Variants in LDLRAP1 observed in about 807,000 individuals in gnomAD.
LDLRAP1 encodes low density lipoprotein receptor adaptor protein 1.
In LDLRAP1, 30 loss-of-function variants were observed where a neutral mutation model predicts 37.8. That is an observed-to-expected ratio of 0.79 (90% CI 0.59 to 1.08). The LOEUF is 1.08. Ranked by LOEUF, LDLRAP1 falls within the 50% of genes least tolerant of loss-of-function variation. The pLI, the probability that LDLRAP1 is intolerant of heterozygous loss-of-function variation, is 0.00. For synonymous variants in LDLRAP1, 156 were observed against 169.8 expected, an observed-to-expected ratio of 0.92 and a Z score of 0.63; for missense variants, 375 against 401.6, an observed-to-expected ratio of 0.93 and a Z score of 0.57.
At chr1:25,582,516 T>C in the LDLRAP1 span, among the ~76,000 whole-genome samples, 45 of 146,322 alleles carry the variant, frequency 3.1e-4, no homozygotes, top group South Asian at 1.3e-3. Context: ...ACCTGGGAGG[T>C]GGAGGTTGCA....
the LDLRAP1 span, among the ~76,000 whole-genome samples, chr1:25,575,161 CTG>C: frequency 1.3e-5 from 2 of 152,158 alleles, no homozygotes; most frequent in African/African-American, 4.8e-5. Flanking sequence ...GGTGGGAAGA[CTG>C]TATGATGTTT....
In LDLRAP1 at chr1:25,544,016, G is replaced by A. The variant is rs142730423; in HGVS notation, c.88+230G>A. The stretch of plus-strand genomic sequence containing the variant: ...TGCGAGGAGGGGCAGCGCTGAGGAA[G>A]GAGCCCGAGCTCGGGGTCCTCAGGT... On this transcript the variant is annotated intron_variant, in intron 1 of 8. Coordinates refer to ENST00000374338, the MANE Select transcript of LDLRAP1 (RefSeq NM_015627.3). The surrounding 1 kb of genome is among the most constrained non-coding windows in gnomAD (Gnocchi z 4.8). Among the ~76,000 whole-genome samples, 2,223 of 152,260 alleles carry A rather than the reference G, an allele frequency of 0.015. 53 individuals are homozygous for A. The highest frequency in any genetic ancestry group is 0.047 in the African/African-American group (1,955 of 41,580).
chr1:25,582,600 T>A, the LDLRAP1 span, among the ~76,000 whole-genome samples: 3 of 148,614 alleles, frequency 2.0e-5, no homozygotes, highest in East Asian at 6.0e-4. Flanking sequence ...AAAAAAAAAA[T>A]TACCATTTTG....
At position 25,566,730 on chromosome 1, in the gene LDLRAP1, G is replaced by T. The variant is rs4523506; in HGVS notation, c.783-118G>T. ...GAGGTTACTCCACCTCCCCTGCACC[G>T]GGGGCTTCCTTCTTGGGCCATGTGC... On this transcript the variant is annotated intron_variant, in intron 8 of 8. Transcript: ENST00000374338. 0.49 allele frequency: 619,688 copies of T among 1,273,264 alleles called. 152,690 individuals are homozygous for T. The highest frequency in any genetic ancestry group is 0.67 in the African/African-American group (45,312 of 67,548). 78.9% of individuals were successfully genotyped at this position (1,273,264 alleles called of 1,614,324 possible).
the LDLRAP1 span, among the ~76,000 whole-genome samples, chr1:25,577,747 G>A: frequency 6.6e-6 from 1 of 152,224 alleles, no homozygotes; most frequent in Non-Finnish European, 1.5e-5. Flanking sequence ...CGGCATCACC[G>A]TGAGTTGGCT....
In LDLRAP1 at chr1:25,544,653, C is replaced by G. The variant is rs980670587; in HGVS notation, c.88+867C>G. Among the ~76,000 whole-genome samples, 1 of 152,174 alleles carries G rather than the reference C, an allele frequency of 6.6e-6. No homozygotes were observed. The highest frequency in any genetic ancestry group is 2.4e-5 in the African/African-American group (1 of 41,446). ...AGGGAACTTGTCACCTGGCACCTTC[C>G]CCTGAAGCCAGAAGACCCAGCCTAG... On this transcript the variant is annotated intron_variant, in intron 1 of 8. Coordinates refer to ENST00000374338, the MANE Select transcript of LDLRAP1 (RefSeq NM_015627.3). The surrounding 1 kb of genome is among the most constrained non-coding windows in gnomAD (Gnocchi z 4.8).
chr1:25,553,686 G>A (rs1022888228), intron 1 of LDLRAP1: 6 of 520,770 alleles, frequency 1.2e-5, no homozygotes, highest in Non-Finnish European at 3.5e-6. Flanking sequence ...CAGGAGAATC[G>A]CTTGAACCTG....
intron 8 of LDLRAP1, among the ~76,000 whole-genome samples, chr1:25,565,807 G>C (rs4400597): frequency 1.3e-5 from 2 of 151,892 alleles, no homozygotes; most frequent in African/African-American, 4.8e-5. Flanking sequence ...CCGAGCCCTG[G>C]GTCCCCGTCT....
chr1:25,566,057 C>G (rs1004231285), intron 8 of LDLRAP1, among the ~76,000 whole-genome samples: 1 of 152,216 alleles, frequency 6.6e-6, no homozygotes, highest in African/African-American at 2.4e-5. Context: ...GCCTCACTGG[C>G]TGACGACACC....
the LDLRAP1 span, among the ~76,000 whole-genome samples, chr1:25,578,467 T>G: frequency 6.6e-6 from 1 of 152,066 alleles, no homozygotes; most frequent in Non-Finnish European, 1.5e-5. Flanking sequence ...CCGTTAGACA[T>G]CATTACCTTA....
intron 1 of LDLRAP1, among the ~76,000 whole-genome samples, chr1:25,546,510 C>A: frequency 6.6e-6 from 1 of 152,296 alleles, no homozygotes; most frequent in Admixed American, 6.5e-5. Flanking sequence ...TTTTCCTATC[C>A]CCTGGGGAGA....
At chr1:25,546,974 A>G (rs2043948876) in intron 1 of LDLRAP1, among the ~76,000 whole-genome samples, 1 of 151,808 alleles carries the variant, frequency 6.6e-6, no homozygotes, top group Non-Finnish European at 1.5e-5. Flanking sequence ...AAGGGTGTAG[A>G]TCAGTGGTGT....
intron 8 of LDLRAP1, among the ~76,000 whole-genome samples, chr1:25,565,628 G>T (rs1324253471): frequency 1.3e-5 from 2 of 151,932 alleles, no homozygotes; most frequent in Non-Finnish European, 2.9e-5. Flanking sequence ...AATGAAGCTC[G>T]TGAAGCGTTC....
chr1:25,589,304 A>AAAAGAAAGAAAGAAAG, the LDLRAP1 span, among the ~76,000 whole-genome samples: 1,225 of 149,040 alleles, frequency 8.2e-3, 21 homozygotes, highest in African/African-American at 0.026. Flanking sequence ...ACTCCATCTC[A>AAAAGAAAGAAAGAAAG]AAAGAAAGAA....
At chr1:25,565,320 C>A in intron 8 of LDLRAP1, 113 bp downstream of exon 8, 1 of 1,189,186 alleles carries the variant, frequency 8.4e-7, no homozygotes, top group Non-Finnish European at 1.3e-6. Context: ...CTCAGACCCC[C>A]TCCAGAGCAA....
chr1:25,579,440 C>T, the LDLRAP1 span, among the ~76,000 whole-genome samples: 13 of 152,296 alleles, frequency 8.5e-5, no homozygotes, highest in African/African-American at 2.6e-4. Context: ...GAAGAGGAGG[C>T]GGCGAGCTCA....
intron 4 of LDLRAP1, among the ~76,000 whole-genome samples, chr1:25,560,670 T>TCA (rs1192885865): frequency 6.6e-6 from 1 of 152,248 alleles, no homozygotes; most frequent in Non-Finnish European, 1.5e-5. Flanking sequence ...GCAGGGCTGC[T>TCA]GGGGGGCATG....
the LDLRAP1 span, among the ~76,000 whole-genome samples, chr1:25,579,135 T>G: frequency 6.6e-6 from 1 of 152,194 alleles, no homozygotes; most frequent in Non-Finnish European, 1.5e-5. Context: ...ATGGCCAATG[T>G]CAGGCTACCA....
At position 25,544,430 on chromosome 1, in the gene LDLRAP1, T is replaced by C. The variant is rs1260060965; in HGVS notation, c.88+644T>C. Among the ~76,000 whole-genome samples the C allele has an allele frequency of 1.3e-5, 2 of 152,190 alleles. No individual in the cohort carries two copies. The highest frequency in any genetic ancestry group is 2.9e-5 in the Non-Finnish European group (2 of 68,026). On this transcript the variant is annotated intron_variant, in intron 1 of 8. Coordinates refer to ENST00000374338, the MANE Select transcript of LDLRAP1 (RefSeq NM_015627.3). The surrounding 1 kb of genome is among the most constrained non-coding windows in gnomAD (Gnocchi z 4.8). ...CGATCTAGACCCTTACGTCCCTTCC[T>C]CTAGCCGGGTCCAGGTGGCAAGCCT...
Sources: gnomAD v4.1 joint callset for allele counts (sites outside exome capture counted in the v4.1 genomes callset) on GRCh38, gnomAD v4.1.1 for gene constraint, Gnocchi (gnomAD v3.1) non-coding constraint, MANE v1.5 for transcripts, NCBI Gene and HGNC (gene_info 2026-07-23, HGNC 2026-07-21) for gene names.